The following DLG2 variants were observed in gnomAD, a reference collection of about 807,000 sequenced individuals.
The protein encoded by DLG2 is discs large MAGUK scaffold protein 2.
A neutral mutation model predicts 132.5 loss-of-function variants in DLG2; 45 were observed. That is an observed-to-expected ratio of 0.34 (90% CI 0.27 to 0.44). DLG2 has a LOEUF of 0.44. DLG2 is among the 20% of genes least tolerant of loss of function. DLG2 has a pLI of 1.00. For missense variants in DLG2, 1,045 were observed against 1,196.9 expected (o/e 0.87, Z 1.87); for synonymous variants, 424 against 419.6 (o/e 1.01, Z -0.13).
intron 6 of DLG2, among the ~76,000 whole-genome samples, chr11:84,626,741 C>A (rs2154543129): frequency 6.6e-6 from 1 of 152,270 alleles, no homozygotes; most frequent in Admixed American, 6.5e-5. Context: ...GCAGCAAGAC[C>A]CAACTACGGC....
intron 7 of DLG2, among the ~76,000 whole-genome samples, chr11:84,409,018 T>C (rs765803059): frequency 6.6e-6 from 1 of 152,200 alleles, no homozygotes; most frequent in Non-Finnish European, 1.5e-5. Context: ...TGACTCACCA[T>C]TTACAAAGGC....
At chr11:83,628,768 G>A (rs2063060848) in intron 19 of DLG2, among the ~76,000 whole-genome samples, 1 of 152,084 alleles carries the variant, frequency 6.6e-6, no homozygotes. Context: ...TCTTTTGTTT[G>A]TCTGTGTACC....
rs59829516 is a variant in DLG2 at position 83,566,712 on chromosome 11, GGTGTGTGTGTGTGTGTGTGTGT to G, written c.1941-24876_1941-24855del. Among the ~76,000 whole-genome samples, 50 of 144,044 alleles carry G rather than the reference GGTGTGTGTGTGTGTGTGTGTGT, an allele frequency of 3.5e-4. 1 individual carries two copies. Among genetic ancestry groups the G allele is most frequent in the Middle Eastern group, 3.6e-3 (1 of 276 alleles). The allele number at this position is 144,044 out of a possible 152,430, so 94.5% of individuals were successfully genotyped here. A position where few individuals can be genotyped will look rare whatever the true frequency, so the allele number is the denominator to read the frequency against. On this transcript the variant is annotated intron_variant, in intron 19 of 27. Transcript: ENST00000376104. Reference sequence around the variant, plus strand: ...GATAAAAGCTAAGGGCAGAGGGCATGGTGTGTGTGTGTGTGTGTGTGTGTGTGTGTGTGTGTGTGTGTATCCT... The same window carrying G: ...GATAAAAGCTAAGGGCAGAGGGCATGGTGTGTGTGTGTGTGTGTGTATCCT...
chr11:83,995,683 C>A (rs1274989552), intron 11 of DLG2, among the ~76,000 whole-genome samples: 2 of 152,088 alleles, frequency 1.3e-5, no homozygotes, highest in African/African-American at 4.8e-5. Flanking sequence ...CATCTAGAAT[C>A]AACTCATTTT....
intron 6 of DLG2, among the ~76,000 whole-genome samples, chr11:85,037,615 T>C (rs1327863468): frequency 6.7e-6 from 1 of 150,122 alleles, no homozygotes; most frequent in Non-Finnish European, 1.5e-5. Context: ...CTGAGTGTTA[T>C]CTTAAAACGT....
rs1313282168 is a variant in DLG2 at position 85,003,099 on chromosome 11, G to T, written c.357+108562C>A. Among the ~76,000 whole-genome samples the T allele has an allele frequency of 2.0e-5, 3 of 151,820 alleles. No individual in the cohort carries two copies. In the East Asian group the frequency reaches 5.8e-4, roughly 29 times the overall value. Reference sequence around the variant, plus strand: ...TTATACACAAATTTTACATGGCATGGGGGATTGGCATCCTTAATCTCCACA... The same window carrying T: ...TTATACACAAATTTTACATGGCATGTGGGATTGGCATCCTTAATCTCCACA... On this transcript the variant is annotated intron_variant, in intron 6 of 27. Coordinates refer to ENST00000376104, the MANE Select transcript of DLG2 (RefSeq NM_001142699.3).
intron 6 of DLG2, among the ~76,000 whole-genome samples, chr11:84,868,070 T>G (rs919088416): frequency 1.3e-4 from 20 of 149,450 alleles, no homozygotes; most frequent in African/African-American, 4.9e-4. Flanking sequence ...CGAGGTTCCG[T>G]CTCAAAATAA....
At chr11:84,274,253 G>A (rs1399170142) in intron 7 of DLG2, among the ~76,000 whole-genome samples, 1 of 152,134 alleles carries the variant, frequency 6.6e-6, no homozygotes, top group South Asian at 2.1e-4. Context: ...GAGCTAGAAG[G>A]TGCTAGGAGG....
At chr11:85,385,845 T>A (rs2086279202) in intron 3 of DLG2, among the ~76,000 whole-genome samples, 1 of 152,152 alleles carries the variant, frequency 6.6e-6, no homozygotes, top group African/African-American at 2.4e-5. Context: ...AACTAATAAA[T>A]TGTTAAATCC....
intron 5 of DLG2, among the ~76,000 whole-genome samples, chr11:85,146,227 C>CCTCTCTCTCTCTCTCTCTCTCTCTCT (rs35640163): frequency 3.9e-5 from 5 of 129,204 alleles, no homozygotes; most frequent in African/African-American, 9.1e-5. Context: ...TCTGTTTCTC[C>CCTCTCTCTCTCTCTCTCTCTCTCTCT]CTCTCTCTCT....
chr11:84,832,051 A>G (rs2079117946), intron 6 of DLG2, among the ~76,000 whole-genome samples: 1 of 151,688 alleles, frequency 6.6e-6, no homozygotes, highest in Admixed American at 6.6e-5. Flanking sequence ...AGGAAAAGCA[A>G]CTTCAACACA....
intron 17 of DLG2, among the ~76,000 whole-genome samples, chr11:83,830,353 A>G (rs2054131108): frequency 6.6e-6 from 1 of 152,232 alleles, no homozygotes; most frequent in Admixed American, 6.5e-5. Context: ...TTCTTTGTCA[A>G]GCCATAGAGT....
intron 7 of DLG2, among the ~76,000 whole-genome samples, chr11:84,508,599 C>T (rs944017554): frequency 6.6e-5 from 10 of 151,896 alleles, no homozygotes; most frequent in Admixed American, 1.3e-4. Flanking sequence ...AGGGTTTCAC[C>T]GTGTTGGCCA....
intron 6 of DLG2, among the ~76,000 whole-genome samples, chr11:84,752,420 C>T (rs1417044117): frequency 6.6e-6 from 1 of 152,048 alleles, no homozygotes; most frequent in East Asian, 1.9e-4. Context: ...TTTAAAAAAA[C>T]TGTAGCAGTG....
chr11:84,736,007 T>C (rs2063783152), intron 6 of DLG2, among the ~76,000 whole-genome samples: 1 of 152,034 alleles, frequency 6.6e-6, no homozygotes, highest in African/African-American at 2.4e-5. Flanking sequence ...TGTTCTTCTC[T>C]TATTTCTTCT....
chr11:83,849,979 T>C (rs1272398689), intron 16 of DLG2, among the ~76,000 whole-genome samples: 1 of 152,044 alleles, frequency 6.6e-6, no homozygotes, highest in African/African-American at 2.4e-5. Context: ...GTAAATACAC[T>C]TCTGGTGCTG....
At chr11:85,283,916 C>A (rs185120730) in intron 4 of DLG2, among the ~76,000 whole-genome samples, 1 of 150,310 alleles carries the variant, frequency 6.7e-6, no homozygotes, top group East Asian at 2.0e-4. Context: ...GGCTTATACA[C>A]ATGCACATCC....
At chr11:84,132,894 T>TA (rs1228930360) in intron 9 of DLG2, among the ~76,000 whole-genome samples, 1 of 152,050 alleles carries the variant, frequency 6.6e-6, no homozygotes, top group Non-Finnish European at 1.5e-5. Context: ...CTTGGATTTT[T>TA]ACGGCATGAA....
intron 9 of DLG2, among the ~76,000 whole-genome samples, chr11:84,101,028 A>T (rs1415085958): frequency 1.3e-5 from 2 of 152,178 alleles, no homozygotes; most frequent in Non-Finnish European, 2.9e-5. Flanking sequence ...GTGTTCACTG[A>T]ACAGAGTTAT....
Sources: gnomAD v4.1 joint callset for allele counts (sites outside exome capture counted in the v4.1 genomes callset) on GRCh38, gnomAD v4.1.1 for gene constraint, MANE v1.5 for transcripts, NCBI Gene and HGNC (gene_info 2026-07-23, HGNC 2026-07-21) for gene names.